The following SLC2A13 variants were observed in gnomAD, a reference collection of about 807,000 sequenced individuals.
SLC2A13 encodes the protein proton myo-inositol cotransporter.
A neutral mutation model predicts 64.4 loss-of-function variants in SLC2A13; 32 were observed. The observed-to-expected ratio is 0.50, with a 90% CI of 0.37 to 0.67. The LOEUF (loss-of-function observed/expected upper bound fraction) is 0.67, where lower values mean the gene tolerates loss of function less well. Ranked by LOEUF, SLC2A13 falls within the 30% of genes least tolerant of loss-of-function variation. The probability of loss-of-function intolerance (pLI) is 0.00; values close to 1 mark genes in which losing one functional copy is unlikely to be tolerated. For synonymous variants in SLC2A13, 338 were observed against 327.1 expected (o/e 1.03, Z -0.36); for missense variants, 743 against 829.2 (o/e 0.90, Z 1.28).
chr12:40,012,324 G>A (rs1390128547), intron 3 of SLC2A13, among the ~76,000 whole-genome samples: 1 of 152,156 alleles, frequency 6.6e-6, no homozygotes. Context: ...TTGAATGCTA[G>A]AGAAGATATT....
intron 6 of SLC2A13, among the ~76,000 whole-genome samples, chr12:39,845,272 AC>A (rs1032956507): frequency 5.3e-5 from 8 of 151,838 alleles, no homozygotes; most frequent in African/African-American, 1.9e-4. Flanking sequence ...TCTTTTTGGG[AC>A]CCATTTGTGC....
intron 7 of SLC2A13, among the ~76,000 whole-genome samples, chr12:39,822,403 C>A (rs972003078): frequency 2.6e-5 from 4 of 152,114 alleles, no homozygotes; most frequent in Admixed American, 2.6e-4. Context: ...CTATAAAAAA[C>A]AAATTAAAAT....
intron 3 of SLC2A13, among the ~76,000 whole-genome samples, chr12:39,997,621 G>C (rs1412458987): frequency 6.6e-6 from 1 of 152,172 alleles, no homozygotes; most frequent in South Asian, 2.1e-4. Context: ...ACGAGGTCAA[G>C]AGATCGAGAC....
At chr12:39,886,896 C>T (rs1944477669) in intron 4 of SLC2A13, among the ~76,000 whole-genome samples, 1 of 152,070 alleles carries the variant, frequency 6.6e-6, no homozygotes, top group South Asian at 2.1e-4. Flanking sequence ...AACTAAATGC[C>T]AAGTAGTGTC....
chr12:39,964,395 T>C (rs1946469027), intron 3 of SLC2A13, among the ~76,000 whole-genome samples: 1 of 152,240 alleles, frequency 6.6e-6, no homozygotes, highest in African/African-American at 2.4e-5. Context: ...ATTACGTTCA[T>C]GGAAGAGAAG....
chr12:39,863,354 TAC>T (rs1283374895), intron 6 of SLC2A13, among the ~76,000 whole-genome samples: 4 of 152,162 alleles, frequency 2.6e-5, no homozygotes, highest in South Asian at 2.1e-4. Flanking sequence ...ACTAAAAACT[TAC>T]AGTCATTCCT....
chr12:39,955,547 T>C (rs28370606), intron 3 of SLC2A13, among the ~76,000 whole-genome samples: 8,735 of 152,154 alleles, frequency 0.057, 385 homozygotes, highest in Admixed American at 0.14. Context: ...ATTGATAAGC[T>C]TCATGCCAAG....
At chr12:39,902,546 C>T (rs1417810664) in intron 4 of SLC2A13, among the ~76,000 whole-genome samples, 1 of 151,874 alleles carries the variant, frequency 6.6e-6, no homozygotes, top group Non-Finnish European at 1.5e-5. Context: ...TTAAGCACTA[C>T]CAGGTGTACT....
intron 7 of SLC2A13, among the ~76,000 whole-genome samples, chr12:39,784,127 A>G (rs560676521): frequency 1.3e-3 from 191 of 152,360 alleles, no homozygotes; most frequent in Non-Finnish European, 1.4e-3. Context: ...AAGAATCAAT[A>G]TCGTGAAAAT....
At chr12:39,800,067 G>A (rs1941730896) in intron 7 of SLC2A13, among the ~76,000 whole-genome samples, 1 of 152,114 alleles carries the variant, frequency 6.6e-6, no homozygotes. Flanking sequence ...AATGTTTATT[G>A]TGATAGCTGG....
At chr12:39,763,920 C>T (rs527691720) in intron 9 of SLC2A13, among the ~76,000 whole-genome samples, 31 of 152,154 alleles carry the variant, frequency 2.0e-4, no homozygotes, top group African/African-American at 7.5e-4. Flanking sequence ...AAGTACTGGT[C>T]TCAGAGGACA....
chr12:39,941,683 A>T (rs958628744), intron 4 of SLC2A13, among the ~76,000 whole-genome samples: 1 of 152,096 alleles, frequency 6.6e-6, no homozygotes, highest in East Asian at 1.9e-4. Flanking sequence ...TGTCAGATGT[A>T]TAGATTGTGA....
intron 3 of SLC2A13, among the ~76,000 whole-genome samples, chr12:40,027,543 C>A (rs542856653): frequency 1.5e-4 from 23 of 152,174 alleles, no homozygotes; most frequent in Non-Finnish European, 2.5e-4. Flanking sequence ...ACTGGACAGA[C>A]CTTCTAACAC....
intron 7 of SLC2A13, among the ~76,000 whole-genome samples, chr12:39,770,001 C>T (rs148919660): frequency 3.9e-4 from 60 of 152,170 alleles, no homozygotes; most frequent in African/African-American, 1.3e-3. Context: ...TGGTGCTTGA[C>T]ATTGCTGACA....
chr12:39,833,492 C>A (rs1319870391), intron 6 of SLC2A13, among the ~76,000 whole-genome samples: 4 of 152,052 alleles, frequency 2.6e-5, no homozygotes, highest in African/African-American at 4.8e-5. Context: ...ATCCTTCTAA[C>A]CACTCTCACC....
chr12:39,852,035 A>T (rs10784208), intron 6 of SLC2A13, among the ~76,000 whole-genome samples: 7 of 151,990 alleles, frequency 4.6e-5, no homozygotes, highest in Non-Finnish European at 1.0e-4. Flanking sequence ...TTTCAGTTGC[A>T]GGGGATTTGT....
At chr12:39,836,298 C>G (rs997064692) in intron 6 of SLC2A13, among the ~76,000 whole-genome samples, 6 of 152,050 alleles carry the variant, frequency 3.9e-5, no homozygotes, top group Non-Finnish European at 7.4e-5. Flanking sequence ...ATTAGAAACT[C>G]AAATAGAGGA....
At position 40,105,410 on chromosome 12, in the gene SLC2A13, G is replaced by A. The variant is rs1453025332; in HGVS notation, c.399C>T (p.Val133=). ...LVSSTVGAAA[V]SALAGGALNG... ...TGAGGGCGCCTCCGGCCAGCGCCGA[G>A]ACGGCAGCCGCCCCCACCGTGCTGG... is the stretch of plus-strand genomic sequence containing the variant. Residue 133 remains valine, a synonymous_variant, in exon 1 of 10, where the codon GTC becomes GTT. Coordinates refer to ENST00000280871, the MANE Select transcript of SLC2A13 (RefSeq NM_052885.4). This position sits in a 1 kb window ranked among gnomAD's most constrained non-coding sequence, Gnocchi z 4.2. 6 of 1,550,504 alleles carry A rather than the reference G, an allele frequency of 3.9e-6. No individual in the cohort carries two copies. The highest frequency in any genetic ancestry group is 2.0e-5 in the Admixed American group (1 of 51,170).
intron 7 of SLC2A13, among the ~76,000 whole-genome samples, chr12:39,817,135 T>C (rs140046830): frequency 5.9e-5 from 9 of 152,312 alleles, no homozygotes; most frequent in Non-Finnish European, 1.3e-4. Flanking sequence ...AGTTGGAAGA[T>C]AAGAGTGAAT....
Sources: gnomAD v4.1 joint callset for allele counts (sites outside exome capture counted in the v4.1 genomes callset) on GRCh38, gnomAD v4.1.1 for gene constraint, Gnocchi (gnomAD v3.1) non-coding constraint, MANE v1.5 for transcripts, NCBI Gene and HGNC (gene_info 2026-07-23, HGNC 2026-07-21) for gene names.